ZPBP: variants seen among roughly 807,000 people sequenced by gnomAD.
ZPBP encodes the protein zona pellucida-binding protein 1.
ZPBP carries 26 observed loss-of-function variants against 44.8 expected under a neutral mutation model. That is an observed-to-expected ratio of 0.58 (90% CI 0.43 to 0.81). ZPBP has a LOEUF of 0.81. ZPBP is among the 30% of genes least tolerant of loss of function. ZPBP has a pLI of 0.00. For synonymous variants in ZPBP, 174 were observed against 153.2 expected (o/e 1.14, Z -1.00); for missense variants, 409 against 434.0 (o/e 0.94, Z 0.51).
intron 6 of ZPBP, among the ~76,000 whole-genome samples, chr7:50,009,815 T>C (rs1009238369): frequency 6.6e-6 from 1 of 151,954 alleles, no homozygotes; most frequent in African/African-American, 2.4e-5. Flanking sequence ...TATCAACACA[T>C]AAAAATAAAT....
chr7:50,031,289 T>C lies in ZPBP; in HGVS notation c.509A>G (p.Tyr170Cys). Residue 170 changes from tyrosine to cysteine, a missense_variant, in exon 5 of 8, where the codon TAT becomes TGT. Physicochemically the swap from Tyr to Cys is radical, Grantham distance 194 (BLOSUM62 -2). Transcript: ENST00000046087. The stretch of plus-strand genomic sequence containing the variant: ...ATGATATCGAGCTGTGAACTGATAA[T>C]AATAATGAGGCTCACGATAAGCTGT... ...AIYAYREPHY[Y>C]YQFTARYHAA... 6.2e-7 allele frequency: 1 copy of C among 1,610,788 alleles called. No individual in the cohort carries two copies. The highest frequency in any genetic ancestry group is 8.5e-7 in the Non-Finnish European group (1 of 1,179,482).
At chr7:50,045,501 C>T (rs1800307484) in intron 4 of ZPBP, among the ~76,000 whole-genome samples, 1 of 152,100 alleles carries the variant, frequency 6.6e-6, no homozygotes, top group Non-Finnish European at 1.5e-5. Context: ...TCCTATACAC[C>T]AATAATAGAC....
chr7:49,978,469 A>T (rs12667865), intron 7 of ZPBP, among the ~76,000 whole-genome samples: 2 of 151,958 alleles, frequency 1.3e-5, no homozygotes, highest in East Asian at 1.9e-4. Flanking sequence ...CTAATTTATA[A>T]GGAAACAAGC....
intron 2 of ZPBP, among the ~76,000 whole-genome samples, chr7:50,083,018 C>G (rs779378089): frequency 2.0e-5 from 3 of 151,820 alleles, no homozygotes; most frequent in South Asian, 2.1e-4. Context: ...CAGCAGCACA[C>G]AGCATCATTC....
At chr7:49,982,222 T>C (rs2128780873) in intron 7 of ZPBP, among the ~76,000 whole-genome samples, 1 of 86,762 alleles carries the variant, frequency 1.2e-5, no homozygotes, top group East Asian at 3.0e-4. Context: ...TATAATGTAA[T>C]ATATAATATA....
chr7:50,065,896 G>T (rs935956417), intron 3 of ZPBP, among the ~76,000 whole-genome samples: 1 of 151,072 alleles, frequency 6.6e-6, no homozygotes, highest in Admixed American at 6.6e-5. Flanking sequence ...AGTGCTGTCT[G>T]TCCTGTAGAC....
chr7:49,907,562 A>G (rs1172857590), intron 1 of ZPBP, among the ~76,000 whole-genome samples: 1 of 152,228 alleles, frequency 6.6e-6, no homozygotes, highest in African/African-American at 2.4e-5. Context: ...TGAGCCAAAT[A>G]TGAGTAACCA....
At chr7:49,979,386 C>G (rs560320564) in intron 7 of ZPBP, among the ~76,000 whole-genome samples, 76 of 152,004 alleles carry the variant, frequency 5.0e-4, no homozygotes, top group African/African-American at 1.8e-3. Flanking sequence ...TTCAGGAGCA[C>G]AAAACAGTAT....
chr7:49,906,238 T>C (rs1793081093), intron 1 of ZPBP, among the ~76,000 whole-genome samples: 1 of 152,084 alleles, frequency 6.6e-6, no homozygotes, highest in South Asian at 2.1e-4. Context: ...TCAGGACCCC[T>C]TTCTAGTAAC....
chr7:49,915,835 T>C (rs1793693455), intron 1 of ZPBP: 1 of 152,210 alleles, frequency 6.6e-6, no homozygotes, highest in Admixed American at 6.5e-5. Flanking sequence ...GTATCAGATG[T>C]ACAAATAAGC....
chr7:49,866,124 A>C (rs1293666688), intron 2 of ZPBP, among the ~76,000 whole-genome samples: 2 of 152,092 alleles, frequency 1.3e-5, no homozygotes, highest in Non-Finnish European at 2.9e-5. Flanking sequence ...GCTCCTTCAT[A>C]TCGCCTCTAA....
intron 6 of ZPBP, among the ~76,000 whole-genome samples, chr7:49,991,292 C>T (rs905897928): frequency 6.6e-6 from 1 of 151,890 alleles, no homozygotes; most frequent in Non-Finnish European, 1.5e-5. Flanking sequence ...AAGTGATTAA[C>T]CAGAAACTCA....
intron 2 of ZPBP, among the ~76,000 whole-genome samples, chr7:50,083,488 G>A (rs1309622184): frequency 1.3e-5 from 2 of 151,902 alleles, no homozygotes; most frequent in African/African-American, 2.4e-5. Context: ...TATTTAAGAA[G>A]CTCTTCAATA....
At chr7:49,859,964 G>A (rs1484659488) in intron 2 of ZPBP, among the ~76,000 whole-genome samples, 1 of 151,520 alleles carries the variant, frequency 6.6e-6, no homozygotes, top group East Asian at 1.9e-4. Context: ...GTTTACTTAT[G>A]TATAAATATA....
intron 2 of ZPBP, among the ~76,000 whole-genome samples, chr7:49,884,521 C>T (rs1791811946): frequency 6.6e-6 from 1 of 152,082 alleles, no homozygotes; most frequent in African/African-American, 2.4e-5. Context: ...TTCTCTGGAT[C>T]CTGGGATCCA....
At position 50,053,207 on chromosome 7, in the gene ZPBP, G is replaced by C. The variant is rs952102060; in HGVS notation, c.487+4782C>G. Among the ~76,000 whole-genome samples, 32 of 152,148 alleles carry C rather than the reference G, an allele frequency of 2.1e-4. 1 individual carries two copies. The highest frequency in any genetic ancestry group is 7.7e-4 in the African/African-American group (32 of 41,438). On this transcript the variant is annotated intron_variant, in intron 4 of 7. Coordinates refer to ENST00000046087, the MANE Select transcript of ZPBP (RefSeq NM_007009.3). ...GGTAATGAATACATGTGATCTGTCTGTACTATTTCTTGCAACCATATGTTA... is the reference window on the plus strand; with the variant it reads ...GGTAATGAATACATGTGATCTGTCTCTACTATTTCTTGCAACCATATGTTA...
chr7:49,972,743 A>G (rs539196863), intron 7 of ZPBP, among the ~76,000 whole-genome samples: 1 of 152,222 alleles, frequency 6.6e-6, no homozygotes, highest in African/African-American at 2.4e-5. Flanking sequence ...TAAAATTCAC[A>G]TGGAATCTCA....
intron 7 of ZPBP, among the ~76,000 whole-genome samples, chr7:49,972,797 G>A (rs1156396377): frequency 6.6e-6 from 1 of 151,812 alleles, no homozygotes; most frequent in East Asian, 1.9e-4. Flanking sequence ...AAAAGTTGAA[G>A]AATCCACATT....
intron 2 of ZPBP, among the ~76,000 whole-genome samples, chr7:50,086,114 T>C (rs538550740): frequency 6.6e-6 from 1 of 152,242 alleles, no homozygotes; most frequent in South Asian, 2.1e-4. Context: ...CTAAGCTAAT[T>C]AAGCAGAGAT....
Sources: gnomAD v4.1 joint callset for allele counts (sites outside exome capture counted in the v4.1 genomes callset) on GRCh38, gnomAD v4.1.1 for gene constraint, MANE v1.5 for transcripts, NCBI Gene and HGNC (gene_info 2026-07-23, HGNC 2026-07-21) for gene names.